Variants in OOSP1 observed in about 807,000 individuals in gnomAD.
OOSP1 encodes putative oocyte-secreted protein 1 homolog.
Under a neutral mutation model 5.7 loss-of-function variants are expected in OOSP1, and 11 were observed. The ratio of observed to expected loss-of-function variants is 1.94; its 90% CI spans 1.22 to 3.20. The LOEUF (loss-of-function observed/expected upper bound fraction) is 3.20, where lower values mean the gene tolerates loss of function less well. Ranked by LOEUF, OOSP1 falls within the 30% of genes most tolerant of loss-of-function variation. The probability of loss-of-function intolerance (pLI) is 0.00; values close to 1 mark genes in which losing one functional copy is unlikely to be tolerated. For missense variants in OOSP1, 83 were observed against 54.1 expected, an observed-to-expected ratio of 1.53 and a Z score of -1.67; for synonymous variants, 44 against 20.0, an observed-to-expected ratio of 2.20 and a Z score of -3.20.
At chr11:59,944,834 C>G (rs1853865429) in intron 2 of OOSP1, among the ~76,000 whole-genome samples, 1 of 152,168 alleles carries the variant, frequency 6.6e-6, no homozygotes, top group African/African-American at 2.4e-5. Context: ...GATCTCAAAG[C>G]CCATGCTCGC....
At chr11:59,938,800 A>C (rs80191132) in intron 1 of OOSP1, among the ~76,000 whole-genome samples, 2,873 of 152,138 alleles carry the variant, frequency 0.019, 99 homozygotes, top group African/African-American at 0.064. Context: ...ATTCTTGGGG[A>C]TCAAGTACTT....
In OOSP1 at chr11:59,948,656, A is replaced by G. The variant is rs1853910991; in HGVS notation, c.486+794A>G. 7.6e-6 allele frequency: 3 copies of G among 397,120 alleles called. No homozygotes were observed. In the Admixed American group the frequency reaches 1.3e-4, roughly 18 times the overall value. The allele number at this position is 397,120 out of a possible 1,614,324, so 24.6% of individuals were successfully genotyped here. On this transcript the variant is annotated intron_variant, in intron 4 of 4. Coordinates refer to ENST00000646685, the Ensembl canonical transcript of OOSP1. ...ACAGGCTCTTAGAAGTAGGGAAGTA[A>G]TGTTTACATTGGGACGTATATTTTA...
At chr11:59,945,014 T>C (rs1235219037) in intron 2 of OOSP1, among the ~76,000 whole-genome samples, 155 bp from the exon 3 acceptor site, 1 of 152,224 alleles carries the variant, frequency 6.6e-6, no homozygotes, top group Non-Finnish European at 1.5e-5. Context: ...TGGAAAATGG[T>C]CCTGTTTCCT....
At chr11:59,943,080 C>T (rs777322423) in intron 2 of OOSP1, 52 bp downstream of exon 2, 2 of 689,324 alleles carry the variant, frequency 2.9e-6, no homozygotes, top group Non-Finnish European at 5.3e-6. Context: ...GTGTGATGTT[C>T]CCCTTCCTGT....
intron 4 of OOSP1, among the ~76,000 whole-genome samples, chr11:59,953,684 T>C (rs1185944453): frequency 6.6e-6 from 1 of 152,182 alleles, no homozygotes; most frequent in Non-Finnish European, 1.5e-5. Context: ...GTTGGGTTGT[T>C]TGGGCAGCCC....
At chr11:59,938,982 T>C (rs1853798106) in intron 1 of OOSP1, among the ~76,000 whole-genome samples, 1 of 152,188 alleles carries the variant, frequency 6.6e-6, no homozygotes, top group Admixed American at 6.5e-5. Flanking sequence ...GAGCAGTCAG[T>C]GCCCCCTAAG....
intron 3 of OOSP1, among the ~76,000 whole-genome samples, chr11:59,947,210 A>G (rs912521596): frequency 6.6e-6 from 1 of 152,072 alleles, no homozygotes; most frequent in Non-Finnish European, 1.5e-5. Flanking sequence ...TTTATTAATC[A>G]CTTACCATAT....
intron 1 of OOSP1, among the ~76,000 whole-genome samples, chr11:59,940,020 G>A (rs1319410641): frequency 8.5e-5 from 13 of 152,168 alleles, no homozygotes; most frequent in Non-Finnish European, 1.3e-4. Context: ...GATTAAAGGC[G>A]TGAGCCACTG....
At chr11:59,941,324 C>T (rs1853822146) in intron 1 of OOSP1, among the ~76,000 whole-genome samples, 1 of 151,988 alleles carries the variant, frequency 6.6e-6, no homozygotes, top group Non-Finnish European at 1.5e-5. Flanking sequence ...CACCAAAAGA[C>T]ATCTGGGCTG....
At chr11:59,951,676 C>T (rs1028774448) in intron 4 of OOSP1, among the ~76,000 whole-genome samples, 1 of 148,126 alleles carries the variant, frequency 6.8e-6, no homozygotes, top group Non-Finnish European at 1.5e-5. Flanking sequence ...TTTTTGTTGA[C>T]AGGCTCAATG....
intron 4 of OOSP1, among the ~76,000 whole-genome samples, chr11:59,949,769 C>T (rs1853921088): frequency 6.6e-6 from 1 of 152,050 alleles, no homozygotes; most frequent in South Asian, 2.1e-4. Flanking sequence ...TCAGGATCAC[C>T]CTGGCTGCTG....
intron 4 of OOSP1, among the ~76,000 whole-genome samples, chr11:59,952,871 G>A (rs1466235937): frequency 6.6e-6 from 1 of 152,002 alleles, no homozygotes; most frequent in Non-Finnish European, 1.5e-5. Context: ...TTAATGTGGT[G>A]GCTGCAAATA....
chr11:59,946,947 CT>C (rs1853890323), intron 3 of OOSP1, among the ~76,000 whole-genome samples: 1 of 150,318 alleles, frequency 6.7e-6, no homozygotes, highest in African/African-American at 2.5e-5. Context: ...ATCTATCTAT[CT>C]ATCTATCTAT....
At chr11:59,945,429 C>T (rs1853871231) in intron 3 of OOSP1, 163 bp downstream of exon 3, 2 of 683,940 alleles carry the variant, frequency 2.9e-6, no homozygotes, top group East Asian at 2.8e-5. Context: ...GTGTCTTAGT[C>T]CTCTGTTGCA....
Position 59,945,893 on chromosome 11 carries a change from C to T in OOSP1, c.356+627C>T, listed in dbSNP as rs184837695. On this transcript the variant is annotated intron_variant, in intron 3 of 4. Coordinates refer to ENST00000646685, the Ensembl canonical transcript of OOSP1. ...AGTTTTTACTCATGGCGGAAGGCAA[C>T]GGAAGGCAACAGAAGGCAAAGCTGG... is the stretch of plus-strand genomic sequence containing the variant. 3.4e-3 allele frequency among the ~76,000 whole-genome samples: 508 copies of T among 151,538 alleles called. 2 individuals are homozygous for T. The highest frequency in any genetic ancestry group is 0.012 in the African/African-American group (476 of 41,248).
At chr11:59,951,715 T>C (rs1432014072) in intron 4 of OOSP1, among the ~76,000 whole-genome samples, 1 of 151,460 alleles carries the variant, frequency 6.6e-6, no homozygotes, top group Non-Finnish European at 1.5e-5. Flanking sequence ...ACTGCATTTT[T>C]TTTTTTTTTT....
At chr11:59,947,396 A>G (rs1255909160) in intron 3 of OOSP1, among the ~76,000 whole-genome samples, 3 of 152,160 alleles carry the variant, frequency 2.0e-5, no homozygotes, top group Non-Finnish European at 4.4e-5. Context: ...AGCTGGGACT[A>G]TAGGCACCCA....
rs527807668 is a variant in OOSP1, at chr11:59,952,766, C to T, written c.487-4429C>T. Among the ~76,000 whole-genome samples, 54 of 152,252 alleles carry T rather than the reference C, an allele frequency of 3.5e-4. 2 individuals are homozygous for T. In the South Asian group the frequency reaches 0.011, roughly 31 times the overall value. ...ATTCATCTATCTAACAAAAAAATCA[C>T]TTGTACCCCCAAAGCTATTGAAACC... On this transcript the variant is annotated intron_variant, in intron 4 of 4. Transcript: ENST00000646685.
At chr11:59,939,515 G>A (rs1053975358) in intron 1 of OOSP1, among the ~76,000 whole-genome samples, 7 of 152,068 alleles carry the variant, frequency 4.6e-5, no homozygotes, top group African/African-American at 1.4e-4. Context: ...GTCTCCCAAA[G>A]TGCTGGTATA....
Sources: gnomAD v4.1 joint callset for allele counts (sites outside exome capture counted in the v4.1 genomes callset) on GRCh38, gnomAD v4.1.1 for gene constraint, MANE v1.5 for transcripts, NCBI Gene and HGNC (gene_info 2026-07-23, HGNC 2026-07-21) for gene names.